RYR2: variants seen among roughly 807,000 people sequenced by gnomAD.
RYR2 encodes the protein cardiac muscle ryanodine receptor-calcium release channel.
In RYR2, 227 loss-of-function variants were observed where a neutral mutation model predicts 601.1. The observed-to-expected ratio is 0.38, with a 90% CI of 0.34 to 0.42. RYR2 has a LOEUF of 0.42. RYR2 is among the 10% of genes least tolerant of loss of function. The pLI, the probability that RYR2 is intolerant of heterozygous loss-of-function variation, is 1.00. For synonymous variants in RYR2, 2,223 were observed against 2,175.1 expected, an observed-to-expected ratio of 1.02 and a Z score of -0.61; for missense variants, 4,646 against 6,156.5, an observed-to-expected ratio of 0.75 and a Z score of 8.21.
intron 1 of RYR2, among the ~76,000 whole-genome samples, chr1:237,258,167 T>TAA (rs5781947): frequency 9.2e-6 from 1 of 108,270 alleles, no homozygotes; most frequent in Non-Finnish European, 1.8e-5. Flanking sequence ...AGACTCCATC[T>TAA]AAAAAAAAAA....
intron 61 of RYR2, among the ~76,000 whole-genome samples, chr1:237,679,526 C>G (rs1685675415): frequency 6.6e-6 from 1 of 152,156 alleles, no homozygotes; most frequent in Non-Finnish European, 1.5e-5. Flanking sequence ...ATGGGCCCGT[C>G]ACAGTCCTTA....
chr1:237,823,748 G>A (rs1271904851), intron 101 of RYR2, among the ~76,000 whole-genome samples: 1 of 152,054 alleles, frequency 6.6e-6, no homozygotes, highest in Non-Finnish European at 1.5e-5. Flanking sequence ...AGGAGCTGGT[G>A]TTTTGAAAAG....
chr1:237,601,966 A>G, intron 34 of RYR2, 59 bp from the exon 35 acceptor site: 1 of 1,454,742 alleles, frequency 6.9e-7, no homozygotes, highest in Non-Finnish European at 9.4e-7. Context: ...ATAAAGAAAA[A>G]CTTTTTCCCT....
chr1:237,233,634 G>A (rs1685229933), intron 1 of RYR2, among the ~76,000 whole-genome samples: 1 of 152,090 alleles, frequency 6.6e-6, no homozygotes, highest in Non-Finnish European at 1.5e-5. Flanking sequence ...ATGGCTATTA[G>A]TTTTGCTATT....
At chr1:237,590,538 C>T (rs188952099) in intron 30 of RYR2, 102 bp from the exon 31 acceptor site, 3 of 854,026 alleles carry the variant, frequency 3.5e-6, no homozygotes, top group Non-Finnish European at 5.3e-6. Flanking sequence ...ATGTGTGGAC[C>T]GCATTTGGGA....
chr1:237,736,746 A>T (rs776364477), intron 79 of RYR2, among the ~76,000 whole-genome samples: 1 of 152,160 alleles, frequency 6.6e-6, no homozygotes, highest in Non-Finnish European at 1.5e-5. Flanking sequence ...AATAGGACTC[A>T]CGGACTGTGA....
intron 8 of RYR2, among the ~76,000 whole-genome samples, chr1:237,378,795 G>A (rs1701228678): frequency 6.6e-6 from 1 of 152,316 alleles, no homozygotes; most frequent in Non-Finnish European, 1.5e-5. Context: ...TTTCTAGGAA[G>A]ATTGGTTTTG....
At chr1:237,489,544 C>T (rs1335092749) in intron 17 of RYR2, among the ~76,000 whole-genome samples, 1 of 152,142 alleles carries the variant, frequency 6.6e-6, no homozygotes, top group Non-Finnish European at 1.5e-5. Flanking sequence ...ATAATCCCAG[C>T]TACTCCAGAG....
At position 237,391,371 on chromosome 1, in the gene RYR2, C is replaced by T. The variant is rs143094701; in HGVS notation, c.773+3188C>T. Among the ~76,000 whole-genome samples the T allele has an allele frequency of 1.5e-3, 233 of 152,158 alleles. 1 individual carries two copies. Among genetic ancestry groups the T allele is most frequent in the African/African-American group, 4.9e-3 (203 of 41,528 alleles). On this transcript the variant is annotated intron_variant, in intron 10 of 104. Coordinates refer to ENST00000366574, the MANE Select transcript of RYR2 (RefSeq NM_001035.3). The stretch of plus-strand genomic sequence containing the variant: ...CAGTGACATGAAAGCTAGAGAAGGT[C>T]CTGGGAAATATGTAAAAAAAATTTT...
chr1:237,527,073 G>A (rs571237836), intron 24 of RYR2, among the ~76,000 whole-genome samples: 1 of 152,234 alleles, frequency 6.6e-6, no homozygotes, highest in South Asian at 2.1e-4. Context: ...TTTCTCCAGT[G>A]TTTATTTTTG....
intron 35 of RYR2, among the ~76,000 whole-genome samples, chr1:237,607,038 T>A (rs1036626730): frequency 2.0e-5 from 3 of 152,318 alleles, no homozygotes; most frequent in Non-Finnish European, 2.9e-5. Context: ...GATCTAGAAC[T>A]AGAAATACCA....
intron 41 of RYR2, among the ~76,000 whole-genome samples, chr1:237,629,454 GTTCA>G (rs1680025815): frequency 6.6e-6 from 1 of 151,934 alleles, no homozygotes; most frequent in Admixed American, 6.6e-5. Context: ...GCTCTATGAT[GTTCA>G]TTAAGAACAA....
intron 101 of RYR2, among the ~76,000 whole-genome samples, chr1:237,823,172 C>T (rs967725042): frequency 2.0e-5 from 3 of 152,140 alleles, no homozygotes; most frequent in African/African-American, 7.2e-5. Context: ...AGCTCTGGAC[C>T]AAGCAGACCT....
intron 41 of RYR2, among the ~76,000 whole-genome samples, chr1:237,631,153 T>G (rs761855820): frequency 3.9e-5 from 6 of 152,230 alleles, no homozygotes; most frequent in Non-Finnish European, 1.5e-5. Context: ...AAATTAGGAA[T>G]GATGTGTCCA....
intron 1 of RYR2, among the ~76,000 whole-genome samples, chr1:237,221,465 G>A (rs953208094): frequency 2.0e-5 from 3 of 152,212 alleles, no homozygotes; most frequent in South Asian, 2.1e-4. Context: ...ATGACATTTC[G>A]AACACAGTAA....
At position 237,143,315 on chromosome 1, in the gene RYR2, T is replaced by TATCTCTGATCTCATTCCATCCTGC. The variant is rs1464424003; in HGVS notation, c.48+100747_48+100770dup. ...AGCCACAGTGTCAGGGTCCCGCCTG[T>TATCTCTGATCTCATTCCATCCTGC]ATCTCTGATCTCATTCCATCCTGCT... is the stretch of plus-strand genomic sequence containing the variant. On this transcript the variant is annotated intron_variant, in intron 1 of 104. Transcript: ENST00000366574. Among the ~76,000 whole-genome samples, 5 of 152,334 alleles carry TATCTCTGATCTCATTCCATCCTGC rather than the reference T, an allele frequency of 3.3e-5. No individual in the cohort carries two copies. In the East Asian group the frequency reaches 9.7e-4, roughly 29 times the overall value.
At chr1:237,418,410 T>C (rs531769187) in intron 11 of RYR2, among the ~76,000 whole-genome samples, 6 of 152,312 alleles carry the variant, frequency 3.9e-5, no homozygotes, top group African/African-American at 1.4e-4. Context: ...GAGAATAGTT[T>C]AGAGGCCTTC....
At chr1:237,536,775 A>G (rs1668677112) in intron 25 of RYR2, among the ~76,000 whole-genome samples, 1 of 149,158 alleles carries the variant, frequency 6.7e-6, no homozygotes, top group African/African-American at 2.5e-5. Flanking sequence ...AGTCCCAGCT[A>G]CTAGGGAGGC....
At chr1:237,807,122 T>C (rs1176797741) in intron 99 of RYR2, among the ~76,000 whole-genome samples, 1 of 152,222 alleles carries the variant, frequency 6.6e-6, no homozygotes, top group Non-Finnish European at 1.5e-5. Context: ...AGCATGATTC[T>C]TACATATGTC....
Sources: gnomAD v4.1 joint callset for allele counts (sites outside exome capture counted in the v4.1 genomes callset) on GRCh38, gnomAD v4.1.1 for gene constraint, MANE v1.5 for transcripts, NCBI Gene and HGNC (gene_info 2026-07-23, HGNC 2026-07-21) for gene names.